The following WLS variants were observed in gnomAD, a reference collection of about 807,000 sequenced individuals.
The protein encoded by WLS is protein wntless homolog.
In WLS, 23 loss-of-function variants were observed where a neutral mutation model predicts 62.8. The ratio of observed to expected loss-of-function variants is 0.37; its 90% CI spans 0.26 to 0.52. WLS has a LOEUF of 0.52. WLS is among the 20% of genes least tolerant of loss of function. The pLI is 0.92. For synonymous variants in WLS, 246 were observed against 244.1 expected, an observed-to-expected ratio of 1.01 and a Z score of -0.07; for missense variants, 615 against 697.3, an observed-to-expected ratio of 0.88 and a Z score of 1.33.
chr1:68,134,517 G>GT (rs1384151891), intron 11 of WLS, among the ~76,000 whole-genome samples: 1 of 152,174 alleles, frequency 6.6e-6, no homozygotes, highest in East Asian at 1.9e-4. Context: ...CCTGAAGAAT[G>GT]TTTTTTCACA....
At chr1:68,228,981 T>G (rs993188660) in intron 1 of WLS, among the ~76,000 whole-genome samples, 1 of 151,166 alleles carries the variant, frequency 6.6e-6, no homozygotes, top group African/African-American at 2.4e-5. Flanking sequence ...TGGAGGCTAG[T>G]TGCTTTTATA....
intron 11 of WLS, among the ~76,000 whole-genome samples, chr1:68,134,325 A>C (rs1276170790): frequency 1.3e-5 from 2 of 152,060 alleles, no homozygotes; most frequent in Non-Finnish European, 2.9e-5. Flanking sequence ...CATGGAAGAG[A>C]CCCCTTCCAA....
At chr1:68,154,451 A>C (rs1162557260) in intron 4 of WLS, among the ~76,000 whole-genome samples, 3 of 152,222 alleles carry the variant, frequency 2.0e-5, no homozygotes, top group Non-Finnish European at 4.4e-5. Flanking sequence ...TATTACATTC[A>C]CCAATTTATA....
At chr1:68,103,077 T>A (rs1251032752) in intron 11 of WLS, among the ~76,000 whole-genome samples, 1 of 152,238 alleles carries the variant, frequency 6.6e-6, no homozygotes, top group Non-Finnish European at 1.5e-5. Context: ...CACGTAGGTC[T>A]GCTGCCTCCC....
At chr1:68,126,426 C>T in intron 11 of WLS, 91 bp from the exon 12 acceptor site, 2 of 1,524,462 alleles carry the variant, frequency 1.3e-6, no homozygotes, top group Non-Finnish European at 1.8e-6. Flanking sequence ...TGATGCTAGC[C>T]CTCTTTGACA....
chr1:68,122,798 G>A (rs1646379710), downstream of WLS, among the ~76,000 whole-genome samples: 1 of 152,114 alleles, frequency 6.6e-6, no homozygotes, highest in Non-Finnish European at 1.5e-5. Flanking sequence ...TTGAAATGGA[G>A]ACTTCTTTAG....
intron 11 of WLS, among the ~76,000 whole-genome samples, chr1:68,127,943 G>A (rs1315035650): frequency 6.6e-6 from 1 of 152,068 alleles, no homozygotes; most frequent in Non-Finnish European, 1.5e-5. Flanking sequence ...GTTTCTCATC[G>A]TAGACCCATT....
In WLS at chr1:68,156,274, G is replaced by A. The variant is rs113507147; in HGVS notation, c.505-1014C>T. Reference sequence around the variant, plus strand: ...TGTTTCCTTGGCACCTCCTGATCAAGTGATAGGGGAGATCTAATTTGTCGT... The same window carrying A: ...TGTTTCCTTGGCACCTCCTGATCAAATGATAGGGGAGATCTAATTTGTCGT... On this transcript the variant is annotated intron_variant, in intron 3 of 11. Coordinates refer to ENST00000262348, the MANE Select transcript of WLS (RefSeq NM_024911.7). Among the ~76,000 whole-genome samples the A allele has an allele frequency of 3.3e-4, 50 of 152,304 alleles. 1 individual carries two copies. Among genetic ancestry groups the A allele is most frequent in the African/African-American group, 1.2e-3 (50 of 41,568 alleles).
At chr1:68,098,818 G>GTT (rs1367417592) in intron 11 of WLS, 2 of 1,551,090 alleles carry the variant, frequency 1.3e-6, no homozygotes, top group Non-Finnish European at 1.7e-6. Context: ...GTAACATGGA[G>GTT]TTTAGGACCA....
chr1:68,221,693 G>T (rs537148213), intron 1 of WLS, among the ~76,000 whole-genome samples: 74 of 152,284 alleles, frequency 4.9e-4, no homozygotes, highest in Non-Finnish European at 7.9e-4. Context: ...CTTTTTTAGT[G>T]ATCACCTGAA....
intron 11 of WLS, among the ~76,000 whole-genome samples, chr1:68,112,780 G>A (rs778995553): frequency 1.3e-5 from 2 of 152,206 alleles, no homozygotes; most frequent in Non-Finnish European, 2.9e-5. Context: ...CTTGAAGGTG[G>A]AAACCTAATG....
chr1:68,105,068 C>T (rs912000897), intron 11 of WLS, among the ~76,000 whole-genome samples: 1 of 152,222 alleles, frequency 6.6e-6, no homozygotes, highest in African/African-American at 2.4e-5. Flanking sequence ...TCTAATTTAT[C>T]CAGACCAGCA....
In WLS at chr1:68,162,156, A is replaced by C. The variant is rs544895131; in HGVS notation, c.380-2909T>G. ...GAGGAGTGCAGATAAGATTCGGTGC[A>C]TCTTTCAACGGACCCTGAGCAAAGC... On this transcript the variant is annotated intron_variant, in intron 2 of 11. Coordinates refer to ENST00000262348, the MANE Select transcript of WLS (RefSeq NM_024911.7). The C allele has an allele frequency of 6.8e-6, 10 of 1,472,312 alleles. No homozygotes were observed. In the South Asian group the frequency reaches 1.1e-4, roughly 17 times the overall value. 91.2% of individuals were successfully genotyped at this position (1,472,312 alleles called of 1,614,324 possible).
chr1:68,098,854 T>G, intron 11 of WLS: 1 of 1,446,238 alleles, frequency 6.9e-7, no homozygotes, highest in Non-Finnish European at 9.2e-7. Context: ...TAAAAATTTT[T>G]ACCTACATAA....
intron 11 of WLS, among the ~76,000 whole-genome samples, chr1:68,129,261 G>T (rs1278848295): frequency 6.6e-6 from 1 of 152,180 alleles, no homozygotes; most frequent in Admixed American, 6.5e-5. Context: ...GAAGGCGGAG[G>T]TTGCATTAAG....
intron 6 of WLS, 59 bp downstream of exon 6, chr1:68,150,129 G>T: frequency 6.4e-7 from 1 of 1,565,704 alleles, no homozygotes; most frequent in East Asian, 2.3e-5. Flanking sequence ...GCAGGTGTCA[G>T]CTTGGCAGCC....
intron 2 of WLS, among the ~76,000 whole-genome samples, chr1:68,168,682 G>A (rs575251730): frequency 4.6e-5 from 7 of 152,186 alleles, no homozygotes; most frequent in East Asian, 1.9e-4. Flanking sequence ...TTCAATGCTC[G>A]TGTGCATTCC....
At chr1:68,186,119 G>A (rs61771352) in intron 2 of WLS, among the ~76,000 whole-genome samples, 8,424 of 152,182 alleles carry the variant, frequency 0.055, 327 homozygotes, top group Non-Finnish European at 0.082. Context: ...TTACTATAAA[G>A]TACCTTATAA....
chr1:68,203,820 G>A (rs1002711815), intron 1 of WLS, among the ~76,000 whole-genome samples: 4 of 152,136 alleles, frequency 2.6e-5, no homozygotes, highest in Admixed American at 6.5e-5. Flanking sequence ...GCAAACAATG[G>A]CACAGTTTGA....
Sources: gnomAD v4.1 joint callset for allele counts (sites outside exome capture counted in the v4.1 genomes callset) on GRCh38, gnomAD v4.1.1 for gene constraint, MANE v1.5 for transcripts, NCBI Gene and HGNC (gene_info 2026-07-23, HGNC 2026-07-21) for gene names.